The following KLC1 variants were observed in gnomAD, a reference collection of about 807,000 sequenced individuals.
The protein encoded by KLC1 is kinesin 2 60/70kDa.
KLC1 carries 30 observed loss-of-function variants against 84.2 expected under a neutral mutation model. That is an observed-to-expected ratio of 0.36 (90% CI 0.27 to 0.48). KLC1 has a LOEUF of 0.48. Ranked by LOEUF, KLC1 falls within the 20% of genes least tolerant of loss-of-function variation. The pLI is 0.99. For synonymous variants in KLC1, 289 were observed against 293.3 expected, an observed-to-expected ratio of 0.99 and a Z score of 0.15; for missense variants, 499 against 805.4, an observed-to-expected ratio of 0.62 and a Z score of 4.60.
At chr14:103,655,750 A>G (rs965392021) in intron 2 of KLC1, among the ~76,000 whole-genome samples, 6 of 152,168 alleles carry the variant, frequency 3.9e-5, no homozygotes, top group Non-Finnish European at 5.9e-5. Flanking sequence ...CTGGGATTAC[A>G]GGCACATACC....
At chr14:103,635,746 C>T (rs989887139) in intron 1 of KLC1, among the ~76,000 whole-genome samples, 1 of 151,400 alleles carries the variant, frequency 6.6e-6, no homozygotes, top group Non-Finnish European at 1.5e-5. Context: ...GAGTGAGACT[C>T]CCATCTCAAA....
At chr14:103,699,036 G>A (rs1357711103) in intron 15 of KLC1, 1 of 1,571,606 alleles carries the variant, frequency 6.4e-7, no homozygotes, top group Non-Finnish European at 8.6e-7. Context: ...CAGGAAGCAG[G>A]CAAGCTGGCG....
Position 103,670,843 on chromosome 14 carries a change from G to T in KLC1, c.987+560G>T, listed in dbSNP as rs1178847563. On this transcript the variant is annotated intron_variant, in intron 7 of 16. Transcript: ENST00000334553. ...CATGCTTGTAATCCCAGCACTTTGG[G>T]AGGCCAAGGTGGGAGGATCACTTGA... 1.3e-5 allele frequency among the ~76,000 whole-genome samples: 2 copies of T among 151,694 alleles called. 1 individual carries two copies. Among genetic ancestry groups the T allele is most frequent in the African/African-American group, 4.9e-5 (2 of 41,232 alleles).
chr14:103,701,161 T>C (rs1310266791), intron 16 of KLC1, 40 bp from the exon 17 acceptor site: 26 of 1,548,168 alleles, frequency 1.7e-5, no homozygotes, highest in Non-Finnish European at 2.2e-5. Context: ...CACTGTCAGG[T>C]TTTGGCGGCC....
chr14:103,660,941 C>T (rs1475936150), intron 3 of KLC1, among the ~76,000 whole-genome samples: 1 of 152,178 alleles, frequency 6.6e-6, no homozygotes, highest in African/African-American at 2.4e-5. Flanking sequence ...AAACTGGTTT[C>T]GTAGGATCGG....
intron 1 of KLC1, among the ~76,000 whole-genome samples, chr14:103,645,137 C>A (rs750382250): frequency 6.6e-6 from 1 of 152,150 alleles, no homozygotes; most frequent in Non-Finnish European, 1.5e-5. Flanking sequence ...CCACACCTGG[C>A]TAATTTTGTA....
At chr14:103,642,987 T>G (rs773691668) in intron 1 of KLC1, among the ~76,000 whole-genome samples, 2 of 152,076 alleles carry the variant, frequency 1.3e-5, no homozygotes, top group Non-Finnish European at 2.9e-5. Flanking sequence ...GTCAGGTTGG[T>G]CTCCAACTCC....
At chr14:103,664,542 AT>A (rs1002404405) in intron 5 of KLC1, among the ~76,000 whole-genome samples, 16 of 150,810 alleles carry the variant, frequency 1.1e-4, no homozygotes, top group African/African-American at 2.9e-4. Context: ...TTGCAAAAAA[AT>A]TTTTTTTTTG....
At position 103,648,370 on chromosome 14, in the gene KLC1, G is replaced by A. The variant is rs538206872; in HGVS notation, c.-1-6194G>A. Among the ~76,000 whole-genome samples, 103 of 152,296 alleles carry A rather than the reference G, an allele frequency of 6.8e-4. No individual in the cohort carries two copies. The Middle Eastern group carries it at 0.014, about 20-fold the overall frequency. On this transcript the variant is annotated intron_variant, in intron 1 of 16. Coordinates refer to ENST00000334553, the MANE Select transcript of KLC1 (RefSeq NM_001394837.1). ...TTATTTTTTACTCCTGGCAAGTTGC[G>A]ATACAGGTATTTAATCAGAGGTCCC...
At chr14:103,691,197 C>G (rs143550142) in intron 14 of KLC1, among the ~76,000 whole-genome samples, 2,594 of 140,136 alleles carry the variant, frequency 0.019, 69 homozygotes, top group African/African-American at 0.06. Flanking sequence ...CTTGCTGTGT[C>G]GCCCAGGCTG....
chr14:103,647,738 T>C (rs2078058367), intron 1 of KLC1, among the ~76,000 whole-genome samples: 1 of 151,236 alleles, frequency 6.6e-6, no homozygotes, highest in Non-Finnish European at 1.5e-5. Flanking sequence ...TAGCTGAGCA[T>C]GGTGGTGTGT....
chr14:103,662,023 T>C (rs966004782), intron 3 of KLC1, 93 bp from the exon 4 acceptor site: 4 of 813,418 alleles, frequency 4.9e-6, no homozygotes, highest in Middle Eastern at 2.4e-4. Flanking sequence ...TTTCTAAGAT[T>C]CTTAGTTAAA....
At chr14:103,672,133 A>G (rs1724233630) in intron 7 of KLC1, among the ~76,000 whole-genome samples, 1 of 152,134 alleles carries the variant, frequency 6.6e-6, no homozygotes, top group Admixed American at 6.6e-5. Context: ...GGCCAGAGCC[A>G]GGGGGTGTTG....
At chr14:103,675,631 A>C (rs765554270) in intron 10 of KLC1, 30 bp downstream of exon 10, 2 of 1,605,368 alleles carry the variant, frequency 1.2e-6, no homozygotes, top group Non-Finnish European at 8.5e-7. Flanking sequence ...AGATTTTCTA[A>C]ATTGTATATA....
intron 15 of KLC1, chr14:103,698,934 C>A (rs28903081): frequency 1.9e-6 from 3 of 1,600,194 alleles, no homozygotes; most frequent in East Asian, 2.3e-5. Flanking sequence ...CTCTTCCTCG[C>A]GGAGCCGGTC....
chr14:103,699,178 A>G, intron 15 of KLC1: 2 of 1,562,604 alleles, frequency 1.3e-6, no homozygotes, highest in Non-Finnish European at 1.7e-6. Context: ...GGCCTCTGTC[A>G]CCTGGAAGAG....
Position 103,693,832 on chromosome 14 carries a change from AC to A in KLC1, c.1848+1411del. 1 of 1,384,880 alleles carries A rather than the reference AC, an allele frequency of 7.2e-7. No homozygotes were observed. The highest frequency in any genetic ancestry group is 3.3e-5 in the Admixed American group (1 of 30,472). The allele number at this position is 1,384,880 out of a possible 1,614,324, so 85.8% of individuals were successfully genotyped here. A position where few individuals can be genotyped will look rare whatever the true frequency, so the allele number is the denominator to read the frequency against. On this transcript the variant is annotated intron_variant, in intron 15 of 16. Coordinates refer to ENST00000334553, the MANE Select transcript of KLC1 (RefSeq NM_001394837.1). The surrounding 1 kb of genome is among the most constrained non-coding windows in gnomAD (Gnocchi z 5.1). ...GCCTGCAGCCCCAGTGCCAGGAGCC[AC>A]CCCGACCGCGACCCGGCCAGGCTGG...
At chr14:103,660,203 G>A (rs1422061074) in intron 3 of KLC1, among the ~76,000 whole-genome samples, 2 of 152,184 alleles carry the variant, frequency 1.3e-5, no homozygotes, top group African/African-American at 4.8e-5. Flanking sequence ...AGATGTGGCT[G>A]GGCGCAGTGG....
chr14:103,657,461 C>A, intron 2 of KLC1, 85 bp from the exon 3 acceptor site: 1 of 991,510 alleles, frequency 1.0e-6, no homozygotes, highest in South Asian at 1.5e-5. Context: ...TAAGCTACAG[C>A]CCCAGCCACA....
Sources: allele counts gnomAD v4.1 joint callset (sites outside exome capture counted in the v4.1 genomes callset), GRCh38; gene constraint gnomAD v4.1.1; non-coding constraint Gnocchi (gnomAD v3.1); transcripts MANE v1.5; gene names NCBI Gene and HGNC (gene_info 2026-07-23, HGNC 2026-07-21).